The following CNOT6L variants were observed in gnomAD, a reference collection of about 807,000 sequenced individuals.
CNOT6L encodes CCR4-NOT transcription complex subunit 6-like.
A neutral mutation model predicts 64.0 loss-of-function variants in CNOT6L; 7 were observed. That is an observed-to-expected ratio of 0.11 (90% CI 0.06 to 0.21). The LOEUF is 0.21. Among genes scored for constraint, CNOT6L ranks in the 10% least tolerant of loss-of-function variants. The pLI is 1.00. For synonymous variants in CNOT6L, 193 were observed against 243.4 expected, an observed-to-expected ratio of 0.79 and a Z score of 1.93; for missense variants, 245 against 669.0, an observed-to-expected ratio of 0.37 and a Z score of 6.99.
At chr4:77,770,735 C>T (rs7655949) in intron 4 of CNOT6L, among the ~76,000 whole-genome samples, 131,318 of 152,218 alleles carry the variant, frequency 0.86, 56,884 homozygotes, top group Non-Finnish European at 0.9. Flanking sequence ...AAATCAGTGG[C>T]GTCTGACTTG....
At chr4:77,755,898 C>G (rs1370579652) in intron 5 of CNOT6L, among the ~76,000 whole-genome samples, 3 of 149,412 alleles carry the variant, frequency 2.0e-5, no homozygotes, top group Non-Finnish European at 4.4e-5. Flanking sequence ...TATCTCCATA[C>G]TTTTACTCAT....
intron 1 of CNOT6L, among the ~76,000 whole-genome samples, chr4:77,783,358 T>A (rs1027462039): frequency 3.9e-5 from 6 of 152,234 alleles, no homozygotes; most frequent in Admixed American, 2.0e-4. Flanking sequence ...ACATTGTCCT[T>A]ACCCGCATGG....
intron 1 of CNOT6L, among the ~76,000 whole-genome samples, chr4:77,786,474 T>TA (rs1025350763): frequency 3.8e-4 from 58 of 151,672 alleles, no homozygotes; most frequent in African/African-American, 1.3e-3. Flanking sequence ...AAAAGTAAAT[T>TA]AAAAAAAAAT....
chr4:77,778,319 G>A (rs923554790), intron 1 of CNOT6L, among the ~76,000 whole-genome samples: 1 of 151,600 alleles, frequency 6.6e-6, no homozygotes, highest in South Asian at 2.1e-4. Context: ...TAGATCCAAA[G>A]ACACACTACA....
chr4:77,797,149 A>G (rs1278475856), intron 1 of CNOT6L, among the ~76,000 whole-genome samples: 5 of 143,364 alleles, frequency 3.5e-5, no homozygotes, highest in African/African-American at 1.3e-4. Context: ...TTCACTGGGG[A>G]GGATAATCTC....
intron 1 of CNOT6L, among the ~76,000 whole-genome samples, chr4:77,813,245 G>A (rs905957180): frequency 6.6e-6 from 1 of 151,942 alleles, no homozygotes; most frequent in African/African-American, 2.4e-5. Flanking sequence ...AAACTCTCAG[G>A]ACAAAACAGG....
chr4:77,761,536 G>GT (rs1188226941), intron 4 of CNOT6L, among the ~76,000 whole-genome samples: 1 of 152,168 alleles, frequency 6.6e-6, no homozygotes, highest in Non-Finnish European at 1.5e-5. Flanking sequence ...GAAAATAAAA[G>GT]TAATAGCAAC....
intron 7 of CNOT6L, 145 bp from the exon 8 acceptor site, chr4:77,742,440 A>T (rs1470773555): frequency 1.2e-6 from 1 of 812,300 alleles, no homozygotes; most frequent in Admixed American, 2.2e-5. Flanking sequence ...CCTGATTGCT[A>T]GCAGCTGCTA....
chr4:77,783,621 A>C (rs1053810830), intron 1 of CNOT6L, among the ~76,000 whole-genome samples: 1 of 152,192 alleles, frequency 6.6e-6, no homozygotes, highest in African/African-American at 2.4e-5. Context: ...GAATAGGTGG[A>C]GAGAACAGAG....
intron 1 of CNOT6L, among the ~76,000 whole-genome samples, chr4:77,803,902 CA>C (rs1298973321): frequency 6.9e-5 from 10 of 144,858 alleles, no homozygotes; most frequent in Admixed American, 6.9e-5. Flanking sequence ...AATTCCGTCT[CA>C]AAAAAAAAAG....
chr4:77,794,565 A>C (rs1025441743), intron 1 of CNOT6L, among the ~76,000 whole-genome samples: 3 of 152,228 alleles, frequency 2.0e-5, no homozygotes, highest in Non-Finnish European at 4.4e-5. Context: ...CATCTGAAAA[A>C]TCCAATGGCC....
At chr4:77,750,476 C>T (rs536460922) in intron 5 of CNOT6L, among the ~76,000 whole-genome samples, 112 of 152,084 alleles carry the variant, frequency 7.4e-4, no homozygotes, top group African/African-American at 2.4e-3. Context: ...CTCAGCCTCC[C>T]GAGTAGCTGG....
chr4:77,725,725 T>C (rs1051780770), intron 11 of CNOT6L, among the ~76,000 whole-genome samples: 1 of 151,932 alleles, frequency 6.6e-6, no homozygotes, highest in Admixed American at 6.6e-5. Flanking sequence ...CAATGGAAAG[T>C]AGAAAGAAAA....
At chr4:77,815,810 A>C (rs1472470198) in intron 1 of CNOT6L, among the ~76,000 whole-genome samples, 1 of 152,218 alleles carries the variant, frequency 6.6e-6, no homozygotes, top group Non-Finnish European at 1.5e-5. Flanking sequence ...ATGAGTCCCT[A>C]AACAACATAA....
chr4:77,761,438 T>C (rs540191455), intron 4 of CNOT6L, among the ~76,000 whole-genome samples: 13 of 152,340 alleles, frequency 8.5e-5, no homozygotes, highest in Admixed American at 5.9e-4. Flanking sequence ...TCCAAGCTCA[T>C]ATGGTTTTAT....
In CNOT6L at chr4:77,744,747, T is replaced by C. The variant is rs1455267807; in HGVS notation, c.688A>G (p.Asn230Asp). 1 of 1,613,200 alleles carries C rather than the reference T, an allele frequency of 6.2e-7. No individual in the cohort carries two copies. Among genetic ancestry groups the C allele is most frequent in the Admixed American group, 1.7e-5 (1 of 59,860 alleles). Residue 230 changes from asparagine (N) to aspartate (D), a missense_variant, in exon 7 of 12, where the codon AAC becomes GAC. Asn to Asp is a conservative substitution (Grantham distance 23, BLOSUM62 1). Coordinates refer to ENST00000504123, the MANE Select transcript of CNOT6L (RefSeq NM_144571.3). ...AGACTAATGATATCTGCGTCACAGT[T>C]AACAATTTCTTCCATAATTCCCTTT... ...RKKGIMEEIV[N>D]CDADIISLQE...
At chr4:77,723,986 A>G (rs1440820492) in intron 11 of CNOT6L, among the ~76,000 whole-genome samples, 2 of 152,126 alleles carry the variant, frequency 1.3e-5, no homozygotes, top group Non-Finnish European at 2.9e-5. Context: ...TAGGCTGGGT[A>G]CAGTGGCTCA....
At chr4:77,793,084 T>C (rs1273134388) in intron 1 of CNOT6L, among the ~76,000 whole-genome samples, 2 of 151,852 alleles carry the variant, frequency 1.3e-5, no homozygotes, top group Non-Finnish European at 2.9e-5. Context: ...TGCACAAATA[T>C]GACCTAAGCA....
chr4:77,776,408 A>AAAGG lies in CNOT6L; in HGVS notation c.6-17_6-16insCCTT. ...CCCTATTAGTCTGTTTAAAAAAAAAAAGGAGGAGATCAATAATTATTATAG... is the reference window on the plus strand; with the variant it reads ...CCCTATTAGTCTGTTTAAAAAAAAAAAAGGAGGAGGAGATCAATAATTATTATAG... On this transcript the variant is annotated splice_polypyrimidine_tract_variant and intron_variant, in intron 1 of 11. Coordinates refer to ENST00000504123, the MANE Select transcript of CNOT6L (RefSeq NM_144571.3). 3.9e-6 allele frequency: 6 copies of AAAGG among 1,542,264 alleles called. No homozygotes were observed. Among genetic ancestry groups the AAAGG allele is most frequent in the Non-Finnish European group, 4.4e-6 (5 of 1,138,266 alleles).
Sources: gnomAD v4.1 joint callset for allele counts (sites outside exome capture counted in the v4.1 genomes callset) on GRCh38, gnomAD v4.1.1 for gene constraint, MANE v1.5 for transcripts, NCBI Gene and HGNC (gene_info 2026-07-23, HGNC 2026-07-21) for gene names.